The following SFRP4 variants were observed in gnomAD, a reference collection of about 807,000 sequenced individuals.
SFRP4 encodes secreted frizzled related protein 4.
Under a neutral mutation model 36.3 loss-of-function variants are expected in SFRP4, and 25 were observed. That is an observed-to-expected ratio of 0.69 (90% CI 0.50 to 0.96). The LOEUF is 0.96. SFRP4 is among the 40% of genes least tolerant of loss of function. The probability of loss-of-function intolerance (pLI) is 0.00; values close to 1 mark genes in which losing one functional copy is unlikely to be tolerated. For missense variants in SFRP4, 487 were observed against 459.6 expected (o/e 1.06, Z -0.54); for synonymous variants, 182 against 168.8 (o/e 1.08, Z -0.60).
At position 37,912,411 on chromosome 7, in the gene SFRP4, A is replaced by G. The variant is rs571814586; in HGVS notation, c.593-94T>C. ...GCCAACTTCTGAGCCTCTCTTAAAG[A>G]ATCACTCCTGTAATTATGGTTATGT... On this transcript the variant is annotated intron_variant, in intron 3 of 5. Coordinates refer to ENST00000436072, the MANE Select transcript of SFRP4 (RefSeq NM_003014.4). The G allele has an allele frequency of 4.1e-5, 40 of 971,210 alleles. No individual in the cohort carries two copies. The Admixed American group carries it at 7.8e-4, about 19-fold the overall frequency. 60.2% of individuals were successfully genotyped at this position (971,210 alleles called of 1,614,324 possible). A position where few individuals can be genotyped will look rare whatever the true frequency, so the allele number is the denominator to read the frequency against.
rs567787422 is a variant in SFRP4 at position 37,906,304 on chromosome 7, A to G, written c.*1175T>C. 6 of 152,352 alleles carry G rather than the reference A, an allele frequency of 3.9e-5. No individual in the cohort carries two copies. Among genetic ancestry groups the G allele is most frequent in the African/African-American group, 1.4e-4 (6 of 41,588 alleles). The allele number at this position is 152,352 out of a possible 1,614,324, so 9.4% of individuals were successfully genotyped here. ...TTATTGAATGCCTTATAGAGAATAC[A>G]TGCTTACTGTGTTAGCAAAAGGCCA... On this transcript the variant is annotated 3_prime_UTR_variant, in exon 6 of 6. Transcript: ENST00000436072.
Position 37,907,733 on chromosome 7 carries a change from A to C in SFRP4, c.856-69T>G, listed in dbSNP as rs1268734438. 4 of 1,188,980 alleles carry C rather than the reference A, an allele frequency of 3.4e-6. No individual in the cohort carries two copies. In the Admixed American group the frequency reaches 9.1e-5, roughly 27 times the overall value. 73.7% of individuals were successfully genotyped at this position (1,188,980 alleles called of 1,614,324 possible). On this transcript the variant is annotated intron_variant, in intron 5 of 5. Coordinates refer to ENST00000436072, the MANE Select transcript of SFRP4 (RefSeq NM_003014.4). ...CTTTATGGTGCTCAGCTAATGTGAA[A>C]ATTAAGGCAAGTTTTTCACTGTAAT...
Position 37,916,806 on chromosome 7 carries a change from C to T in SFRP4, c.-269G>A, listed in dbSNP as rs1472027527. ...AGCTCCAGTCCCGGACTCCGCAGCT[C>T]GGAGCGCAGCCAGCCACGGCCATTG... On this transcript the variant is annotated 5_prime_UTR_variant, in exon 1 of 6. Transcript: ENST00000436072. This position sits in a 1 kb window ranked among gnomAD's most constrained non-coding sequence, Gnocchi z 4.1. 5.5e-6 allele frequency: 3 copies of T among 542,662 alleles called. No homozygotes were observed. The highest frequency in any genetic ancestry group is 6.6e-5 in the Admixed American group (2 of 30,272). The allele number at this position is 542,662 out of a possible 1,614,324, so 33.6% of individuals were successfully genotyped here. A position where few individuals can be genotyped will look rare whatever the true frequency, so the allele number is the denominator to read the frequency against.
Position 37,907,558 on chromosome 7 carries a change from G to T in SFRP4, c.962C>A (p.Pro321His), listed in dbSNP as rs1470639043. Reference protein sequence around the residue: ...SNPPKPKGKPPAPKPASPKKN... With the variant: ...SNPPKPKGKPHAPKPASPKKN... ...CTTGGGACTGGCTGGTTTGGGAGCAGGAGGCTTTCCCTTTGGTTTGGGGGG... is the reference window on the plus strand; with the variant it reads ...CTTGGGACTGGCTGGTTTGGGAGCATGAGGCTTTCCCTTTGGTTTGGGGGG... Residue 321 changes from proline (P) to histidine (H), a missense_variant, in exon 6 of 6, where the codon CCT (proline) becomes CAT (histidine). Coordinates refer to ENST00000436072, the MANE Select transcript of SFRP4 (RefSeq NM_003014.4). 6.2e-7 allele frequency: 1 copy of T among 1,613,818 alleles called. No homozygotes were observed. Among genetic ancestry groups the T allele is most frequent in the Non-Finnish European group, 8.5e-7 (1 of 1,179,840 alleles).
chr7:37,916,288 T>G lies in SFRP4; in HGVS notation c.250A>C (p.Ile84Leu). The G allele has an allele frequency of 1.2e-6, 2 of 1,614,082 alleles. No individual in the cohort carries two copies. The highest frequency in any genetic ancestry group is 8.5e-7 in the Non-Finnish European group (1 of 1,180,014). ...TCGTGCAGGAACTCCAGGGTGCAAATGGGCGCGTACATGGCACAGAGGAAG... is the reference window on the plus strand; with the variant it reads ...TCGTGCAGGAACTCCAGGGTGCAAAGGGGCGCGTACATGGCACAGAGGAAG... ...RFFLCAMYAP[I>L]CTLEFLHDPI... The change falls in exon 1 of 6, where the codon ATT becomes CTT. Residue 84 changes from isoleucine (I) to leucine (L), a missense_variant. Physicochemically the swap from Ile to Leu is conservative, Grantham distance 5. Transcript: ENST00000436072. The surrounding 1 kb of genome is among the most constrained non-coding windows in gnomAD (Gnocchi z 4.1).
chr7:37,910,831 CCT>C (rs1335807238), intron 4 of SFRP4, among the ~76,000 whole-genome samples: 8 of 152,024 alleles, frequency 5.3e-5, no homozygotes, highest in Admixed American at 4.6e-4. Flanking sequence ...AAGAGTTTTT[CCT>C]CTGTTTCATT....
chr7:37,916,437 T>A lies in SFRP4; in HGVS notation c.101A>T (p.His34Leu), dbSNP rs1410475769. 1 of 1,613,964 alleles carries A rather than the reference T, an allele frequency of 6.2e-7. No homozygotes were observed. The highest frequency in any genetic ancestry group is 1.7e-5 in the Admixed American group (1 of 60,018). ...CEAVRIPMCR[H>L]MPWNITRMPN... ...CATCCGCGTGATGTTCCAGGGCATG[T>A]GCCGGCACATAGGGATGCGCACCGC... is the stretch of plus-strand genomic sequence containing the variant. Residue 34 changes from histidine to leucine, a missense_variant, in exon 1 of 6, where the codon CAC (histidine) becomes CTC (leucine). Physicochemically the swap from His to Leu is moderately conservative, Grantham distance 99. Transcript: ENST00000436072. This position sits in a 1 kb window ranked among gnomAD's most constrained non-coding sequence, Gnocchi z 4.1.
At chr7:37,909,908 T>G (rs962520308) in intron 4 of SFRP4, 3 of 290,624 alleles carry the variant, frequency 1.0e-5, no homozygotes, top group Non-Finnish European at 1.9e-5. Context: ...TTTCCTTTTG[T>G]CATTATATGA....
intron 3 of SFRP4, among the ~76,000 whole-genome samples, chr7:37,912,790 T>C (rs1386938035): frequency 6.6e-6 from 1 of 152,240 alleles, no homozygotes; most frequent in Non-Finnish European, 1.5e-5. Flanking sequence ...TGAGGACTAC[T>C]GTTCTCAATC....
rs1382352226 is a variant in SFRP4, at chr7:37,912,327, A to T, written c.593-10T>A. 6.2e-7 allele frequency: 1 copy of T among 1,609,684 alleles called. No individual in the cohort carries two copies. Among genetic ancestry groups the T allele is most frequent in the East Asian group, 2.2e-5 (1 of 44,854 alleles). ...ATTTTGGCATGAATAACTGCAATTTAAAAATAGATAAAAGTGTTGTTGAAG... is the reference window on the plus strand; with the variant it reads ...ATTTTGGCATGAATAACTGCAATTTTAAAATAGATAAAAGTGTTGTTGAAG... On this transcript the variant is annotated splice_polypyrimidine_tract_variant and intron_variant, in intron 3 of 5. Coordinates refer to ENST00000436072, the MANE Select transcript of SFRP4 (RefSeq NM_003014.4).
chr7:37,916,419 G>A lies in SFRP4; in HGVS notation c.119C>T (p.Thr40Met), dbSNP rs1176387719. Residue 40 changes from threonine (T) to methionine (M), a missense_variant, in exon 1 of 6, where the codon ACG becomes ATG. Transcript: ENST00000436072. The surrounding 1 kb of genome is among the most constrained non-coding windows in gnomAD (Gnocchi z 4.1). ...GTGGTGCAGGTGGTTGGGCATCCGC[G>A]TGATGTTCCAGGGCATGTGCCGGCA... ...PMCRHMPWNITRMPNHLHHST... is the reference protein window; with the variant it reads ...PMCRHMPWNIMRMPNHLHHST... The A allele has an allele frequency of 2.5e-6, 4 of 1,614,118 alleles. No individual in the cohort carries two copies. The highest frequency in any genetic ancestry group is 3.4e-6 in the Non-Finnish European group (4 of 1,179,980).
intron 4 of SFRP4, among the ~76,000 whole-genome samples, chr7:37,910,270 T>C (rs924769141): frequency 6.6e-6 from 1 of 152,002 alleles, no homozygotes; most frequent in African/African-American, 2.4e-5. Context: ...TATTTGGATT[T>C]AGAATTAAGG....
chr7:37,909,622 A>C lies in SFRP4; in HGVS notation c.850T>G (p.Ser284Ala). ...EKWRDQLSKR[S>A]IQWEERLQEQ... ...GCATTGTTCATGATACTTACTATGGATCTTTTACTAAGCTGATCTCTCCAT... is the reference window on the plus strand; with the variant it reads ...GCATTGTTCATGATACTTACTATGGCTCTTTTACTAAGCTGATCTCTCCAT... Residue 284 changes from serine (S) to alanine (A), a missense_variant, in exon 5 of 6, where the codon TCC becomes GCC. By Grantham distance (99) the Ser-to-Ala change is moderately conservative. Transcript: ENST00000436072. The C allele has an allele frequency of 6.4e-7, 1 of 1,560,458 alleles. No homozygotes were observed. Among genetic ancestry groups the C allele is most frequent in the East Asian group, 2.3e-5 (1 of 42,680 alleles).
Position 37,916,289 on chromosome 7 carries a change from G to C in SFRP4, c.249C>G (p.Pro83=). Residue 83 remains proline (P), a synonymous_variant, in exon 1 of 6, where the codon CCC becomes CCG. Transcript: ENST00000436072. This position sits in a 1 kb window ranked among gnomAD's most constrained non-coding sequence, Gnocchi z 4.1. ...LRFFLCAMYA[P]ICTLEFLHDP... ...CGTGCAGGAACTCCAGGGTGCAAAT[G>C]GGCGCGTACATGGCACAGAGGAAGA... 6.2e-7 allele frequency: 1 copy of C among 1,614,196 alleles called. No homozygotes were observed. Among genetic ancestry groups the C allele is most frequent in the Non-Finnish European group, 8.5e-7 (1 of 1,180,034 alleles).
chr7:37,912,352 G>C lies in SFRP4; in HGVS notation c.593-35C>G, dbSNP rs372865272. 12 of 1,572,512 alleles carry C rather than the reference G, an allele frequency of 7.6e-6. No individual in the cohort carries two copies. In the African/African-American group the frequency reaches 1.1e-4, roughly 14 times the overall value. ...AAAAATAGATAAAAGTGTTGTTGAA[G>C]GTTTTGGGGAAAAACTAGGGATGGT... On this transcript the variant is annotated intron_variant, in intron 3 of 5. Coordinates refer to ENST00000436072, the MANE Select transcript of SFRP4 (RefSeq NM_003014.4).
At chr7:37,911,274 C>G (rs140013007) in intron 4 of SFRP4, among the ~76,000 whole-genome samples, 290 of 152,244 alleles carry the variant, frequency 1.9e-3, no homozygotes, top group African/African-American at 6.5e-3. Flanking sequence ...GGAGTTAGTT[C>G]CCAAAGATGT....
chr7:37,914,551 T>C (rs185040494), intron 1 of SFRP4, 98 bp from the exon 2 acceptor site: 104 of 872,306 alleles, frequency 1.2e-4, no homozygotes, highest in Admixed American at 2.1e-4. Context: ...TAAAACAGTA[T>C]CTCAAAATAA....
rs1000289110 is a variant in SFRP4 at position 37,912,287 on chromosome 7, C to T, written c.623G>A (p.Arg208Lys). ...VIHAKIKAVQRSGCNEVTTVV... is the reference protein window; with the variant it reads ...VIHAKIKAVQKSGCNEVTTVV... Reference sequence around the variant, plus strand: ...CGTTGTGACCTCATTGCAGCCACTCCTCTGCACAGCTTTTATTTTGGCATG... The same window carrying T: ...CGTTGTGACCTCATTGCAGCCACTCTTCTGCACAGCTTTTATTTTGGCATG... Residue 208 changes from arginine (R) to lysine (K), a missense_variant, in exon 4 of 6, where the codon AGG (arginine) becomes AAG (lysine). Physicochemically the swap from Arg to Lys is conservative, Grantham distance 26. Coordinates refer to ENST00000436072, the MANE Select transcript of SFRP4 (RefSeq NM_003014.4). 1 of 1,614,018 alleles carries T rather than the reference C, an allele frequency of 6.2e-7. No individual in the cohort carries two copies. The highest frequency in any genetic ancestry group is 8.5e-7 in the Non-Finnish European group (1 of 1,179,874).
At chr7:37,910,505 A>C (rs1785471246) in intron 4 of SFRP4, among the ~76,000 whole-genome samples, 1 of 151,898 alleles carries the variant, frequency 6.6e-6, no homozygotes, top group African/African-American at 2.4e-5. Flanking sequence ...TATATGTATA[A>C]TATTATGCAG....
Sources: allele counts gnomAD v4.1 joint callset (sites outside exome capture counted in the v4.1 genomes callset), GRCh38; gene constraint gnomAD v4.1.1; non-coding constraint Gnocchi (gnomAD v3.1); transcripts MANE v1.5; gene names NCBI Gene and HGNC (gene_info 2026-07-23, HGNC 2026-07-21).